MACF1: variants seen among roughly 807,000 people sequenced by gnomAD.
The protein encoded by MACF1 is microtubule-actin cross-linking factor 1.
A neutral mutation model predicts 854.8 loss-of-function variants in MACF1; 193 were observed. That is an observed-to-expected ratio of 0.23 (90% CI 0.20 to 0.25). MACF1 has a LOEUF of 0.25. MACF1 is among the 10% of genes least tolerant of loss of function. The pLI is 1.00. For missense variants in MACF1, 7,722 were observed against 8,929.1 expected (o/e 0.86, Z 5.45); for synonymous variants, 3,185 against 3,226.7 (o/e 0.99, Z 0.44).
chr1:39,205,169 G>A (rs566537043), intron 1 of MACF1, 38 bp downstream of exon 1: 10 of 702,416 alleles, frequency 1.4e-5, no homozygotes, highest in Non-Finnish European at 2.3e-5. Context: ...TAAATCTACT[G>A]TGGGGCTTTT....
Position 39,349,483 on chromosome 1 carries a change from G to A in MACF1, c.10821G>A (p.Leu3607=). The A allele has an allele frequency of 1.2e-6, 2 of 1,612,640 alleles. No individual in the cohort carries two copies. Among genetic ancestry groups the A allele is most frequent in the Non-Finnish European group, 1.7e-6 (2 of 1,179,480 alleles). The change falls in exon 42 of 101, where the codon CTG becomes CTA. Residue 3607 remains leucine (L), a synonymous_variant. Transcript: ENST00000564288. ...CCCCTTTGCATTTTAATTAGACCCT[G>A]CAGAAACAACAAAATACCTGTCACC... ...QMEQEALVKT[L]QKQQNTCHQQ...
intron 6 of MACF1, among the ~76,000 whole-genome samples, chr1:39,277,496 CTTCCCTTCCTGTA>C (rs1183072605): frequency 7.2e-5 from 11 of 152,328 alleles, no homozygotes; most frequent in Middle Eastern, 3.4e-3. Flanking sequence ...GACTACAGAG[CTTCCCTTCCTGTA>C]TTCCTGTTTT....
At chr1:39,217,200 C>T (rs1436756030) in intron 1 of MACF1, among the ~76,000 whole-genome samples, 1 of 152,102 alleles carries the variant, frequency 6.6e-6, no homozygotes, top group Non-Finnish European at 1.5e-5. Context: ...TAAGTGCTTT[C>T]ATATCATATA....
At chr1:39,259,715 C>T (rs1490148521) in intron 6 of MACF1, among the ~76,000 whole-genome samples, 6 of 151,762 alleles carry the variant, frequency 4.0e-5, no homozygotes, top group African/African-American at 9.7e-5. Context: ...CTCTGCCTCC[C>T]GGGTTCAAGA....
At chr1:39,237,718 C>G (rs955169321) in intron 2 of MACF1, among the ~76,000 whole-genome samples, 10 of 140,958 alleles carry the variant, frequency 7.1e-5, no homozygotes, top group Non-Finnish European at 1.1e-4. Context: ...CCAGCTGATT[C>G]TTTTTTTTTT....
intron 2 of MACF1, among the ~76,000 whole-genome samples, chr1:39,118,567 A>C (rs1008160176): frequency 2.6e-5 from 4 of 152,230 alleles, no homozygotes. Flanking sequence ...AGAAAGATAG[A>C]TGGAGCATTA....
At position 39,293,444 on chromosome 1, in the gene MACF1, C is replaced by G; in HGVS notation, c.1993-14C>G. ...AGGCTGCCAGTCTAATCTTATAATC[C>G]TTGCTTTGTCTAGGAAACTTCTAGC... On this transcript the variant is annotated splice_polypyrimidine_tract_variant and intron_variant, in intron 17 of 100. Transcript: ENST00000564288. 1 of 1,603,318 alleles carries G rather than the reference C, an allele frequency of 6.2e-7. No homozygotes were observed. The highest frequency in any genetic ancestry group is 8.5e-7 in the Non-Finnish European group (1 of 1,174,108).
At chr1:39,108,049 AT>A (rs11433977) in intron 2 of MACF1, among the ~76,000 whole-genome samples, 2,661 of 140,186 alleles carry the variant, frequency 0.019, 54 homozygotes, top group African/African-American at 0.058. Flanking sequence ...CTTGGCAACC[AT>A]TTTTTTTTTT....
At chr1:39,180,998 C>T (rs184984257) in intron 2 of MACF1, among the ~76,000 whole-genome samples, 29 of 152,308 alleles carry the variant, frequency 1.9e-4, no homozygotes, top group African/African-American at 6.7e-4. Context: ...CTCTGCCTCC[C>T]GGGTTCAAGT....
intron 2 of MACF1, among the ~76,000 whole-genome samples, chr1:39,242,349 C>CAAA (rs759843162): frequency 2.0e-3 from 228 of 114,626 alleles, no homozygotes; most frequent in African/African-American, 7.3e-3. Context: ...GACTCTGCCT[C>CAAA]AAAAAAAAAA....
Position 39,158,463 on chromosome 1 carries a change from T to A in MACF1, c.221-72719T>A, listed in dbSNP as rs539799682. Among the ~76,000 whole-genome samples, 4 of 152,354 alleles carry A rather than the reference T, an allele frequency of 2.6e-5. 1 individual carries two copies. In the South Asian group the frequency reaches 6.2e-4, roughly 24 times the overall value. ...TATTGTTTATTTTGTAAAACTTGTC[T>A]CATTGCCATGTAATATTTGCTCAAG... On this transcript the variant is annotated intron_variant, in intron 2 of 93. Coordinates refer to the MACF1 transcript ENST00000361689.
chr1:39,412,932 C>T (rs1228006730), intron 58 of MACF1: 1 of 1,604,218 alleles, frequency 6.2e-7, no homozygotes, highest in South Asian at 1.1e-5. Flanking sequence ...CTTCAATAGT[C>T]TCCTTAGAGG....
At chr1:39,399,008 A>T (rs1642374033) in intron 58 of MACF1, among the ~76,000 whole-genome samples, 3 of 152,212 alleles carry the variant, frequency 2.0e-5, no homozygotes, top group African/African-American at 2.4e-5. Flanking sequence ...GTGTGATTGG[A>T]TAGCTAGCAT....
chr1:39,403,060 TGG>T (rs369888065), intron 58 of MACF1, among the ~76,000 whole-genome samples: 2,744 of 150,076 alleles, frequency 0.018, 93 homozygotes, highest in African/African-American at 0.065. Flanking sequence ...TTGTTTGGTT[TGG>T]TTTTTTTTTT....
At chr1:39,447,239 C>G (rs1193416573) in intron 80 of MACF1, among the ~76,000 whole-genome samples, 193 bp from the exon 81 acceptor site, 1 of 152,170 alleles carries the variant, frequency 6.6e-6, no homozygotes, top group Non-Finnish European at 1.5e-5. Context: ...AGTTCTTGCC[C>G]ATTTGTTTCA....
At chr1:39,358,418 C>T (rs1346110617) in intron 45 of MACF1, among the ~76,000 whole-genome samples, 1 of 152,194 alleles carries the variant, frequency 6.6e-6, no homozygotes, top group Non-Finnish European at 1.5e-5. Flanking sequence ...TTAACCCCTA[C>T]CTTTGTCTGC....
rs143670217 is a variant in MACF1 at position 39,132,216 on chromosome 1, G to A, written c.220+47778G>A. ...AGCTATTATTATGATAATTGCTGTT[G>A]GCAAACAAGAAAATTCTCAGCCTCT... On this transcript the variant is annotated intron_variant, in intron 2 of 93. Transcript: ENST00000361689. 4.3e-4 allele frequency among the ~76,000 whole-genome samples: 65 copies of A among 152,284 alleles called. No individual in the cohort carries two copies. In the Middle Eastern group the frequency reaches 0.02, roughly 48 times the overall value.
intron 70 of MACF1, chr1:39,436,370 C>A: frequency 9.0e-7 from 1 of 1,106,136 alleles, no homozygotes; most frequent in Non-Finnish European, 1.4e-6. Flanking sequence ...CACCTTCCGT[C>A]CCATCTCTCA....
At chr1:39,258,866 C>A (rs1420698296) in intron 6 of MACF1, among the ~76,000 whole-genome samples, 1 of 152,146 alleles carries the variant, frequency 6.6e-6, no homozygotes, top group African/African-American at 2.4e-5. Context: ...CAACAGGTGT[C>A]CCCGAATTCC....
Sources: allele counts gnomAD v4.1 joint callset (sites outside exome capture counted in the v4.1 genomes callset), GRCh38; gene constraint gnomAD v4.1.1; transcripts MANE v1.5; gene names NCBI Gene and HGNC (gene_info 2026-07-23, HGNC 2026-07-21).